Variants in AZIN2 observed in about 807,000 individuals in gnomAD.
The protein encoded by AZIN2 is antizyme inhibitor 2.
AZIN2 carries 28 observed loss-of-function variants against 47.8 expected under a neutral mutation model. The ratio of observed to expected loss-of-function variants is 0.59; its 90% CI spans 0.43 to 0.80. AZIN2 has a LOEUF of 0.80. AZIN2 is among the 30% of genes least tolerant of loss of function. The pLI is 0.00. For missense variants in AZIN2, 535 were observed against 582.5 expected (o/e 0.92, Z 0.84); for synonymous variants, 221 against 239.4 (o/e 0.92, Z 0.71).
intron 9 of AZIN2, among the ~76,000 whole-genome samples, chr1:33,097,287 C>T (rs535155283): frequency 1.9e-4 from 29 of 152,284 alleles, no homozygotes; most frequent in South Asian, 8.3e-4. Context: ...TAATTAATGA[C>T]AGCTTACATT....
At chr1:33,107,305 C>T (rs919466904) in intron 10 of AZIN2, among the ~76,000 whole-genome samples, 2 of 151,352 alleles carry the variant, frequency 1.3e-5, no homozygotes, top group Non-Finnish European at 2.9e-5. Flanking sequence ...CAAAGGCCGG[C>T]GCAGTGGCTC....
chr1:33,098,406 AC>A (rs1321914698), intron 10 of AZIN2, among the ~76,000 whole-genome samples: 1 of 152,164 alleles, frequency 6.6e-6, no homozygotes, highest in East Asian at 1.9e-4. Context: ...TTGTTTTGTA[AC>A]CTGCTTTTTC....
Position 33,084,004 on chromosome 1 carries a change from G to A in AZIN2, c.156G>A (p.Lys52=), listed in dbSNP as rs772705008. ...CTGACCTGGGTGCCATAGTGAGGAA[G>A]CACTTTTGCTTTCTGAAGTGCCTGC... The part of the protein sequence containing the change: ...FVADLGAIVR[K]HFCFLKCLPR... Residue 52 remains lysine, a synonymous_variant, in exon 5 of 12, where the codon AAG becomes AAA. Coordinates refer to ENST00000294517, the MANE Select transcript of AZIN2 (RefSeq NM_052998.4). 6.8e-6 allele frequency: 11 copies of A among 1,614,094 alleles called. No individual in the cohort carries two copies. The East Asian group carries it at 1.6e-4, about 23-fold the overall frequency.
In AZIN2 at chr1:33,122,246, C is replaced by A. The variant is rs1422064441; in HGVS notation, c.*2064C>A. Among the ~76,000 whole-genome samples, 5 of 152,110 alleles carry A rather than the reference C, an allele frequency of 3.3e-5. No individual in the cohort carries two copies. Among genetic ancestry groups the A allele is most frequent in the African/African-American group, 9.7e-5 (4 of 41,404 alleles). On this transcript the variant is annotated 3_prime_UTR_variant, in exon 12 of 12. Transcript: ENST00000294517. ...ATCTCATGGCTGGCTACAGTGAGAC[C>A]CAGGTGTAGCTGATTCCCTCTTCTG... is the stretch of plus-strand genomic sequence containing the variant.
chr1:33,142,125 C>G, the AZIN2 span: 1 of 152,288 alleles, frequency 6.6e-6, no homozygotes, highest in Non-Finnish European at 1.5e-5. Flanking sequence ...TCCCACCTCC[C>G]ACCTCCCTCC....
the AZIN2 span, among the ~76,000 whole-genome samples, chr1:33,157,833 T>G: frequency 1.3e-5 from 2 of 152,180 alleles, no homozygotes; most frequent in African/African-American, 4.8e-5. Context: ...CTCAGCTCAC[T>G]GCAACCTCTG....
chr1:33,103,055 A>C (rs979513337), intron 10 of AZIN2, among the ~76,000 whole-genome samples: 7 of 152,000 alleles, frequency 4.6e-5, no homozygotes, highest in African/African-American at 1.7e-4. Context: ...CGCCACCCTA[A>C]TGCAAGCCAC....
chr1:33,099,678 C>T (rs549538173), intron 10 of AZIN2, among the ~76,000 whole-genome samples: 7 of 152,304 alleles, frequency 4.6e-5, no homozygotes, highest in Admixed American at 3.3e-4. Context: ...GCATTCCTGA[C>T]TTGGGCACTG....
the AZIN2 span, among the ~76,000 whole-genome samples, chr1:33,156,078 C>T: frequency 2.0e-5 from 3 of 152,214 alleles, no homozygotes; most frequent in African/African-American, 7.2e-5. Context: ...ACTGTCTGGG[C>T]TCCCAGCAGA....
At chr1:33,142,321 C>T in the AZIN2 span, 1 of 152,266 alleles carries the variant, frequency 6.6e-6, no homozygotes, top group African/African-American at 2.4e-5. Context: ...TCCCCAGAAC[C>T]CTTGAGCTGA....
At chr1:33,134,614 G>A in the AZIN2 span, among the ~76,000 whole-genome samples, 2 of 152,178 alleles carry the variant, frequency 1.3e-5, no homozygotes, top group Admixed American at 1.3e-4. Flanking sequence ...ATGGGCTGCT[G>A]CACAGATAGT....
At chr1:33,145,405 C>T in the AZIN2 span, 2 of 161,362 alleles carry the variant, frequency 1.2e-5, no homozygotes, top group Non-Finnish European at 2.7e-5. Flanking sequence ...TGGCTACTGA[C>T]ATCTGTAACT....
the AZIN2 span, among the ~76,000 whole-genome samples, chr1:33,144,171 T>C: frequency 4.7e-5 from 7 of 148,734 alleles, no homozygotes; most frequent in African/African-American, 1.7e-4. Context: ...GGAGTTTCGC[T>C]CTTTGCCCAG....
chr1:33,159,693 G>C, the AZIN2 span: 1 of 1,606,890 alleles, frequency 6.2e-7, no homozygotes, highest in Non-Finnish European at 8.5e-7. The surrounding 1 kb of genome is among the most constrained non-coding windows in gnomAD (Gnocchi z 4.2). Context: ...CTTACCGCTC[G>C]GACAGTGAGG....
chr1:33,132,491 G>A, the AZIN2 span, among the ~76,000 whole-genome samples: 1 of 152,166 alleles, frequency 6.6e-6, no homozygotes, highest in African/African-American at 2.4e-5. Flanking sequence ...CCTCTGCCTG[G>A]ACTATCCTTT....
chr1:33,095,343 C>G (rs1302552673), intron 8 of AZIN2, among the ~76,000 whole-genome samples: 1 of 152,158 alleles, frequency 6.6e-6, no homozygotes. Flanking sequence ...CTTCCCTGGT[C>G]CATCTAATAC....
the AZIN2 span, among the ~76,000 whole-genome samples, chr1:33,150,312 C>T: frequency 4.6e-5 from 7 of 152,230 alleles, no homozygotes; most frequent in South Asian, 2.1e-4. Flanking sequence ...TCAGTTGCCT[C>T]TGTTGGCTGC....
intron 5 of AZIN2, 47 bp from the exon 6 acceptor site, chr1:33,092,003 C>G (rs1472000554): frequency 1.3e-6 from 2 of 1,589,472 alleles, no homozygotes; most frequent in South Asian, 1.2e-5. Flanking sequence ...GCTCCGTGGG[C>G]TAGCAGGCCC....
chr1:33,144,450 C>T, the AZIN2 span, among the ~76,000 whole-genome samples: 1 of 152,180 alleles, frequency 6.6e-6, no homozygotes, highest in Admixed American at 6.6e-5. Context: ...TTTAATGTTA[C>T]TTCTGAGCAA....
Sources: allele counts gnomAD v4.1 joint callset (sites outside exome capture counted in the v4.1 genomes callset), GRCh38; gene constraint gnomAD v4.1.1; non-coding constraint Gnocchi (gnomAD v3.1); transcripts MANE v1.5; gene names NCBI Gene and HGNC (gene_info 2026-07-23, HGNC 2026-07-21).